ITGAV: variants seen among roughly 807,000 people sequenced by gnomAD.
The protein encoded by ITGAV is integrin subunit alpha V.
A neutral mutation model predicts 143.8 loss-of-function variants in ITGAV; 76 were observed. That is an observed-to-expected ratio of 0.53 (90% CI 0.44 to 0.64). ITGAV has a LOEUF of 0.64. Ranked by LOEUF, ITGAV falls within the 30% of genes least tolerant of loss-of-function variation. The pLI is 0.00. For missense variants in ITGAV, 1,193 were observed against 1,274.7 expected (o/e 0.94, Z 0.98); for synonymous variants, 453 against 446.7 (o/e 1.01, Z -0.18).
intron 18 of ITGAV, among the ~76,000 whole-genome samples, chr2:186,661,611 T>G (rs555975419): frequency 2.6e-3 from 394 of 151,474 alleles, no homozygotes; most frequent in African/African-American, 9.3e-3. Context: ...TTTTTTTTTT[T>G]TTTTGAGACG....
In ITGAV at chr2:186,656,373, A is replaced by G. The variant is rs1229972175; in HGVS notation, c.1691A>G (p.Gln564Arg). Reference sequence around the variant, plus strand: ...ACTATTTCAAGGGGGGGACTGATGCAGTGTGAGGAATTGATAGCGTATCTG... The same window carrying G: ...ACTATTTCAAGGGGGGGACTGATGCGGTGTGAGGAATTGATAGCGTATCTG... ...NMTISRGGLMQCEELIAYLRD... is the reference protein window; with the variant it reads ...NMTISRGGLMRCEELIAYLRD... Residue 564 changes from glutamine to arginine, a missense_variant, in exon 17 of 30, where the codon CAG becomes CGG. Transcript: ENST00000261023. The G allele has an allele frequency of 6.5e-7, 1 of 1,532,874 alleles. No individual in the cohort carries two copies. Among genetic ancestry groups the G allele is most frequent in the Non-Finnish European group, 8.7e-7 (1 of 1,148,440 alleles). 95.0% of individuals were successfully genotyped at this position (1,532,874 alleles called of 1,614,324 possible). A position where few individuals can be genotyped will look rare whatever the true frequency, so the allele number is the denominator to read the frequency against.
chr2:186,641,614 G>C, intron 12 of ITGAV, 26 bp downstream of exon 12: 1 of 1,592,436 alleles, frequency 6.3e-7, no homozygotes, highest in Non-Finnish European at 8.6e-7. Flanking sequence ...AGCAGCTACA[G>C]GTCCCTGATT....
rs151082691 is a variant in ITGAV at position 186,680,378 on chromosome 2, A to C, written c.*3086A>C. ...ACGATAGAAATATGCAGCATGCAATATATGCTTATATTTCATTTTAATTTC... is the reference window on the plus strand; with the variant it reads ...ACGATAGAAATATGCAGCATGCAATCTATGCTTATATTTCATTTTAATTTC... On this transcript the variant is annotated 3_prime_UTR_variant, in exon 30 of 30. Coordinates refer to ENST00000261023, the MANE Select transcript of ITGAV (RefSeq NM_002210.5). The C allele has an allele frequency of 1.2e-4, 18 of 152,654 alleles. No homozygotes were observed. The highest frequency in any genetic ancestry group is 4.3e-4 in the African/African-American group (18 of 41,572). 9.5% of individuals were successfully genotyped at this position (152,654 alleles called of 1,614,324 possible). A position where few individuals can be genotyped will look rare whatever the true frequency, so the allele number is the denominator to read the frequency against.
At chr2:186,625,377 A>G (rs997122617) in intron 3 of ITGAV, 96 bp from the exon 4 acceptor site, 3 of 725,656 alleles carry the variant, frequency 4.1e-6, no homozygotes, top group Non-Finnish European at 4.8e-6. Flanking sequence ...ATCTCAAAAA[A>G]GAGAAAGTGG....
Position 186,635,967 on chromosome 2 carries a change from TA to T in ITGAV, c.632-113del, listed in dbSNP as rs774086562. ...ATCAAGGAGAGTTATGTACGGCTAA[TA>T]ATTAGAAGTACTAATATCTAATATT... On this transcript the variant is annotated intron_variant, in intron 6 of 29. Coordinates refer to ENST00000261023, the MANE Select transcript of ITGAV (RefSeq NM_002210.5). The T allele has an allele frequency of 7.2e-5, 55 of 764,520 alleles. No homozygotes were observed. In the East Asian group the frequency reaches 7.7e-4, roughly 11 times the overall value. The allele number at this position is 764,520 out of a possible 1,614,324, so 47.4% of individuals were successfully genotyped here.
chr2:186,620,466 A>G lies in ITGAV; in HGVS notation c.317-1873A>G, dbSNP rs180890875. ...GAAGGATAAGAGAACTCTTCCGCAT[A>G]AAAATAAGTATATCAGCCAGGCATG... On this transcript the variant is annotated intron_variant, in intron 2 of 29. Coordinates refer to ENST00000261023, the MANE Select transcript of ITGAV (RefSeq NM_002210.5). Among the ~76,000 whole-genome samples the G allele has an allele frequency of 8.5e-4, 130 of 152,274 alleles. 3 individuals carry two copies. Among genetic ancestry groups the G allele is most frequent in the Admixed American group, 6.3e-3 (97 of 15,292 alleles).
At chr2:186,631,709 TA>T (rs1470789655) in intron 5 of ITGAV, among the ~76,000 whole-genome samples, 1 of 152,172 alleles carries the variant, frequency 6.6e-6, no homozygotes, top group African/African-American at 2.4e-5. Context: ...ATATGATGCA[TA>T]AGAACTAATA....
At position 186,622,319 on chromosome 2, in the gene ITGAV, C is replaced by T. The variant is rs766994152; in HGVS notation, c.317-20C>T. 4 of 1,523,978 alleles carry T rather than the reference C, an allele frequency of 2.6e-6. No homozygotes were observed. Among genetic ancestry groups the T allele is most frequent in the Non-Finnish European group, 3.6e-6 (4 of 1,098,824 alleles). The allele number at this position is 1,523,978 out of a possible 1,614,324, so 94.4% of individuals were successfully genotyped here. The stretch of plus-strand genomic sequence containing the variant: ...GAATAGTATATTTTGTGTCTTACCA[C>T]TCACAATATTCTTTTTTAGGCAATA... On this transcript the variant is annotated intron_variant, in intron 2 of 29. Transcript: ENST00000261023.
intron 3 of ITGAV, among the ~76,000 whole-genome samples, chr2:186,624,346 T>A (rs140660488): frequency 8.7e-4 from 132 of 152,248 alleles, no homozygotes; most frequent in African/African-American, 2.4e-3. Flanking sequence ...AAGGATTTGC[T>A]TAGGAGGTGA....
chr2:186,607,104 T>G (rs1273624493), intron 2 of ITGAV, among the ~76,000 whole-genome samples: 3 of 152,122 alleles, frequency 2.0e-5, no homozygotes, highest in East Asian at 1.9e-4. Context: ...AACATTACCT[T>G]GGGAAAATTA....
intron 7 of ITGAV, 60 bp downstream of exon 7, chr2:186,636,267 G>T: frequency 7.4e-7 from 1 of 1,346,622 alleles, no homozygotes; most frequent in East Asian, 2.4e-5. Flanking sequence ...TTATATCTGA[G>T]TATGGTCTTT....
intron 12 of ITGAV, among the ~76,000 whole-genome samples, chr2:186,642,385 T>C (rs555652736): frequency 1.3e-5 from 1 of 79,570 alleles, no homozygotes; most frequent in South Asian, 4.5e-4. Flanking sequence ...AGATGACTTG[T>C]TGTATGTCTC....
chr2:186,619,668 A>G (rs1163245772), intron 2 of ITGAV, among the ~76,000 whole-genome samples: 1 of 152,200 alleles, frequency 6.6e-6, no homozygotes, highest in African/African-American at 2.4e-5. Context: ...CCCCATGAAT[A>G]TGTAAAATTA....
At chr2:186,638,529 A>G in intron 10 of ITGAV, 64 bp downstream of exon 10, 2 of 1,302,648 alleles carry the variant, frequency 1.5e-6, no homozygotes, top group Non-Finnish European at 2.2e-6. Context: ...ATTGGAGAAA[A>G]TTTGCGAAAT....
Position 186,640,929 on chromosome 2 carries a change from C to T in ITGAV, c.918C>T (p.Phe306=), listed in dbSNP as rs556910791. The T allele has an allele frequency of 1.5e-5, 24 of 1,594,472 alleles. No individual in the cohort carries two copies. Among genetic ancestry groups the T allele is most frequent in the Admixed American group, 8.5e-5 (5 of 58,864 alleles). ...TTTTTATCCAGATGGCTGCATATTT[C>T]GGATTTTCTGTAGCTGCCACTGACA... ...NFTGEQMAAY[F]GFSVAATDIN... Residue 306 remains phenylalanine, a synonymous_variant, in exon 11 of 30, where the codon TTC becomes TTT. Transcript: ENST00000261023.
At chr2:186,602,337 A>T (rs1307059906) in intron 2 of ITGAV, among the ~76,000 whole-genome samples, 186 bp downstream of exon 2, 2 of 152,212 alleles carry the variant, frequency 1.3e-5, no homozygotes, top group Non-Finnish European at 2.9e-5. Flanking sequence ...GGTAGATGAA[A>T]GTATTAAAAG....
chr2:186,661,302 C>T (rs185754041), intron 18 of ITGAV, among the ~76,000 whole-genome samples: 8 of 152,146 alleles, frequency 5.3e-5, no homozygotes, highest in African/African-American at 1.9e-4. Flanking sequence ...TCAAGTTGTT[C>T]TAAACATACT....
At chr2:186,637,977 G>A (rs886210845) in intron 8 of ITGAV, among the ~76,000 whole-genome samples, 20 of 152,082 alleles carry the variant, frequency 1.3e-4, no homozygotes, top group Non-Finnish European at 2.6e-4. Context: ...TAAACTAAAT[G>A]TAGTTTTTCT....
At chr2:186,614,058 A>T (rs1359055369) in intron 2 of ITGAV, among the ~76,000 whole-genome samples, 1 of 152,134 alleles carries the variant, frequency 6.6e-6, no homozygotes, top group African/African-American at 2.4e-5. Context: ...AAGAGATGAA[A>T]ATGTAAACAA....
Sources: gnomAD v4.1 joint callset for allele counts (sites outside exome capture counted in the v4.1 genomes callset) on GRCh38, gnomAD v4.1.1 for gene constraint, MANE v1.5 for transcripts, NCBI Gene and HGNC (gene_info 2026-07-23, HGNC 2026-07-21) for gene names.